PDE1B: variants seen among roughly 807,000 people sequenced by gnomAD.
PDE1B encodes phosphodiesterase 1B, also known as dual specificity calcium/calmodulin-dependent 3',5'-cyclic nucleotide phosphodiesterase 1B.
PDE1B carries 13 observed loss-of-function variants against 66.7 expected under a neutral mutation model. The ratio of observed to expected loss-of-function variants is 0.19; its 90% CI spans 0.13 to 0.31. PDE1B has a LOEUF of 0.31. Ranked by LOEUF, PDE1B falls within the 10% of genes least tolerant of loss-of-function variation. PDE1B has a pLI of 1.00. For synonymous variants in PDE1B, 230 were observed against 253.9 expected (o/e 0.91, Z 0.90); for missense variants, 485 against 682.3 (o/e 0.71, Z 3.22).
intron 6 of PDE1B, chr12:54,571,489 C>G (rs1957615241): frequency 1.3e-5 from 2 of 152,202 alleles, no homozygotes; most frequent in Admixed American, 1.3e-4. Context: ...GCCTCCTTAC[C>G]TGGAAGGACT....
rs1169676589 is a variant in PDE1B, at chr12:54,578,003, C to T, written c.*161C>T. On this transcript the variant is annotated 3_prime_UTR_variant, in exon 16 of 16. Transcript: ENST00000243052. Reference sequence around the variant, plus strand: ...AGAGATTTGGGGTTGGGGAAAGGGCCCCTCCCCACCTGACACCCACTGGGG... The same window carrying T: ...AGAGATTTGGGGTTGGGGAAAGGGCTCCTCCCCACCTGACACCCACTGGGG... The T allele has an allele frequency of 6.5e-6, 1 of 153,660 alleles. No individual in the cohort carries two copies. The highest frequency in any genetic ancestry group is 2.4e-5 in the African/African-American group (1 of 41,518). 9.5% of individuals were successfully genotyped at this position (153,660 alleles called of 1,614,324 possible). A position where few individuals can be genotyped will look rare whatever the true frequency, so the allele number is the denominator to read the frequency against.
At chr12:54,560,978 T>A (rs898457675) in intron 2 of PDE1B, among the ~76,000 whole-genome samples, 4 of 152,124 alleles carry the variant, frequency 2.6e-5, no homozygotes, top group Non-Finnish European at 5.9e-5. Context: ...ACACCTAGCT[T>A]CAGGAAGCCC....
At position 54,569,410 on chromosome 12, in the gene PDE1B, C is replaced by A. The variant is rs114974670; in HGVS notation, c.410+44C>A. On this transcript the variant is annotated intron_variant, in intron 4 of 15. Coordinates refer to ENST00000243052, the MANE Select transcript of PDE1B (RefSeq NM_000924.4). This position sits in a 1 kb window ranked among gnomAD's most constrained non-coding sequence, Gnocchi z 4.4. ...CAGCCTCCCTCTGCCTTTAGCTGTG[C>A]CCCTCTTTCCCAGCCACCCTGGTCT... The A allele has an allele frequency of 6.5e-4, 1,039 of 1,588,508 alleles. 3 individuals are homozygous for A. In the African/African-American group the frequency reaches 0.012, roughly 19 times the overall value.
intron 10 of PDE1B, chr12:54,574,882 G>C: frequency 2.6e-6 from 1 of 389,524 alleles, no homozygotes; most frequent in East Asian, 5.2e-5. Flanking sequence ...GGCTGAGGTG[G>C]GAGAATCACT....
rs774342546 is a variant in PDE1B at position 54,573,263 on chromosome 12, T to A, written c.836+15T>A. 3 of 1,612,760 alleles carry A rather than the reference T, an allele frequency of 1.9e-6. No homozygotes were observed. The highest frequency in any genetic ancestry group is 2.5e-6 in the Non-Finnish European group (3 of 1,178,920). On this transcript the variant is annotated intron_variant, in intron 8 of 15. Coordinates refer to ENST00000243052, the MANE Select transcript of PDE1B (RefSeq NM_000924.4). This position sits in a 1 kb window ranked among gnomAD's most constrained non-coding sequence, Gnocchi z 5.2. The stretch of plus-strand genomic sequence containing the variant: ...ATCCAGACCAAGTGAGGGGTGGGGA[T>A]GTGGCAGGGGCAGGAGGGGCCAAGA...
At chr12:54,554,599 T>G (rs905228718) in intron 2 of PDE1B, among the ~76,000 whole-genome samples, 9 of 152,128 alleles carry the variant, frequency 5.9e-5, no homozygotes, top group South Asian at 2.1e-4. Context: ...GAAGGGAAGG[T>G]GCAGAGGTAG....
In PDE1B at chr12:54,575,061, G is replaced by T; in HGVS notation, c.1065-37G>T. 1 of 1,590,484 alleles carries T rather than the reference G, an allele frequency of 6.3e-7. No individual in the cohort carries two copies. Among genetic ancestry groups the T allele is most frequent in the Non-Finnish European group, 8.6e-7 (1 of 1,163,982 alleles). ...TGGTCCTAACTTCCTTTTCCTAAAA[G>T]ATCAGTCTCCCTTCCCTTGCCATCT... is the stretch of plus-strand genomic sequence containing the variant. On this transcript the variant is annotated intron_variant, in intron 10 of 15. Coordinates refer to ENST00000243052, the MANE Select transcript of PDE1B (RefSeq NM_000924.4). This position sits in a 1 kb window ranked among gnomAD's most constrained non-coding sequence, Gnocchi z 4.0.
At position 54,566,651 on chromosome 12, in the gene PDE1B, C is replaced by T. The variant is rs147018251; in HGVS notation, c.114-323C>T. On this transcript the variant is annotated intron_variant, in intron 2 of 15. Coordinates refer to ENST00000243052, the MANE Select transcript of PDE1B (RefSeq NM_000924.4). ...ACATCACTCCAGGGGCTTGTACCTGCCTAATTCTGCTGGGCCCTGGCATTT... is the reference window on the plus strand; with the variant it reads ...ACATCACTCCAGGGGCTTGTACCTGTCTAATTCTGCTGGGCCCTGGCATTT... 2.3e-3 allele frequency among the ~76,000 whole-genome samples: 354 copies of T among 152,288 alleles called. 2 individuals carry two copies. Among genetic ancestry groups the T allele is most frequent in the Non-Finnish European group, 3.9e-3 (265 of 68,030 alleles).
intron 2 of PDE1B, among the ~76,000 whole-genome samples, chr12:54,562,067 G>T (rs1223354419): frequency 6.6e-6 from 1 of 152,136 alleles, no homozygotes; most frequent in African/African-American, 2.4e-5. Context: ...AATCTCCCCA[G>T]ACGCACTCAA....
intron 2 of PDE1B, among the ~76,000 whole-genome samples, chr12:54,562,676 G>T (rs998604595): frequency 1.3e-5 from 2 of 152,214 alleles, no homozygotes; most frequent in Non-Finnish European, 2.9e-5. Context: ...TTTAGAATAA[G>T]AGAGGGCCCT....
intron 10 of PDE1B, chr12:54,574,848 G>A (rs949025242): frequency 5.9e-5 from 17 of 287,002 alleles, no homozygotes; most frequent in African/African-American, 2.4e-4. Flanking sequence ...TGGCATGCAC[G>A]CCTGTAGTCC....
intron 3 of PDE1B, chr12:54,568,972 T>C: frequency 1.0e-5 from 7 of 698,006 alleles, no homozygotes; most frequent in Non-Finnish European, 1.3e-5. Context: ...ACTTCCATAG[T>C]TGGGATGCTC....
In PDE1B at chr12:54,569,090, A is replaced by T. The variant is rs1957571171; in HGVS notation, c.228-94A>T. ...GTTGAAGACAGAGAGCTGGCATGAG[A>T]GTTACTAAATGTGGGGTATGGCTGG... On this transcript the variant is annotated intron_variant, in intron 3 of 15. Coordinates refer to ENST00000243052, the MANE Select transcript of PDE1B (RefSeq NM_000924.4). The surrounding 1 kb of genome is among the most constrained non-coding windows in gnomAD (Gnocchi z 4.4). 3 of 1,486,362 alleles carry T rather than the reference A, an allele frequency of 2.0e-6. No homozygotes were observed. The African/African-American group carries it at 4.2e-5, about 21-fold the overall frequency. The allele number at this position is 1,486,362 out of a possible 1,614,324, so 92.1% of individuals were successfully genotyped here.
At chr12:54,565,236 G>C (rs566465938) in intron 2 of PDE1B, among the ~76,000 whole-genome samples, 1 of 152,200 alleles carries the variant, frequency 6.6e-6, no homozygotes. Flanking sequence ...GCTGGGGTGG[G>C]AATCTGGGGG....
At chr12:54,559,060 T>G (rs986946185) in intron 2 of PDE1B, among the ~76,000 whole-genome samples, 1 of 152,174 alleles carries the variant, frequency 6.6e-6, no homozygotes, top group Non-Finnish European at 1.5e-5. Flanking sequence ...CTTTTTAAAT[T>G]TAGTTTTTTC....
chr12:54,570,078 GTC>G lies in PDE1B; in HGVS notation c.478-158_478-157del, dbSNP rs747640876. Among the ~76,000 whole-genome samples, 209 of 152,140 alleles carry G rather than the reference GTC, an allele frequency of 1.4e-3. 1 individual carries two copies. The highest frequency in any genetic ancestry group is 2.6e-3 in the Non-Finnish European group (174 of 68,016). ...TATAGGAGCAAACTCCTGCCTTCCTGTCTCTCCCATACTGAGAGATATATGGG... is the reference window on the plus strand; with the variant it reads ...TATAGGAGCAAACTCCTGCCTTCCTGTCTCCCATACTGAGAGATATATGGG... On this transcript the variant is annotated intron_variant, in intron 5 of 15. Coordinates refer to ENST00000243052, the MANE Select transcript of PDE1B (RefSeq NM_000924.4).
chr12:54,557,851 G>A (rs1052188134), intron 2 of PDE1B, among the ~76,000 whole-genome samples: 1 of 152,104 alleles, frequency 6.6e-6, no homozygotes, highest in African/African-American at 2.4e-5. Flanking sequence ...AAATGAACCA[G>A]AGAAAGAGTT....
At chr12:54,562,789 A>G (rs1270807658) in intron 2 of PDE1B, among the ~76,000 whole-genome samples, 1 of 152,196 alleles carries the variant, frequency 6.6e-6, no homozygotes, top group Admixed American at 6.5e-5. Context: ...GCTTGAGTCC[A>G]GGTCCTCTTC....
intron 2 of PDE1B, chr12:54,561,395 G>T (rs1957407929): frequency 1.7e-6 from 2 of 1,176,858 alleles, no homozygotes; most frequent in African/African-American, 1.6e-5. Flanking sequence ...GGTAGGCTGG[G>T]TCTCTGCCTC....
Sources: gnomAD v4.1 joint callset for allele counts (sites outside exome capture counted in the v4.1 genomes callset) on GRCh38, gnomAD v4.1.1 for gene constraint, Gnocchi (gnomAD v3.1) non-coding constraint, MANE v1.5 for transcripts, NCBI Gene and HGNC (gene_info 2026-07-23, HGNC 2026-07-21) for gene names.